The following TUT7 variants were observed in gnomAD, a reference collection of about 807,000 sequenced individuals.
The protein encoded by TUT7 is terminal uridylyl transferase 7.
In TUT7, 33 loss-of-function variants were observed where a neutral mutation model predicts 165.9. That is an observed-to-expected ratio of 0.20 (90% CI 0.15 to 0.27). TUT7 has a LOEUF of 0.27. TUT7 is among the 10% of genes least tolerant of loss of function. The pLI is 1.00. For synonymous variants in TUT7, 552 were observed against 608.1 expected, an observed-to-expected ratio of 0.91 and a Z score of 1.36; for missense variants, 1,338 against 1,762.3, an observed-to-expected ratio of 0.76 and a Z score of 4.31.
chr9:86,343,030 T>C (rs759800676), intron 6 of TUT7, 45 bp downstream of exon 6: 78 of 1,251,078 alleles, frequency 6.2e-5, no homozygotes, highest in Non-Finnish European at 8.2e-5. Context: ...TAAGAAAGAA[T>C]TTCCATACCA....
intron 3 of TUT7, 48 bp downstream of exon 3, chr9:86,346,251 G>A (rs1250622700): frequency 6.4e-7 from 1 of 1,566,802 alleles, no homozygotes; most frequent in Admixed American, 1.8e-5. Context: ...ACAAAATTGA[G>A]GCTAAAACCA....
chr9:86,343,887 T>C (rs1425591593), intron 5 of TUT7, among the ~76,000 whole-genome samples: 3 of 152,150 alleles, frequency 2.0e-5, no homozygotes, highest in Non-Finnish European at 4.4e-5. Flanking sequence ...TCATCAGGGG[T>C]TGGTTTTCTT....
chr9:86,290,098 A>G (rs1231831716), intron 26 of TUT7, among the ~76,000 whole-genome samples: 1 of 152,098 alleles, frequency 6.6e-6, no homozygotes, highest in Non-Finnish European at 1.5e-5. Flanking sequence ...TGCCCCCTTG[A>G]AGTTATTGTG....
At chr9:86,339,850 T>C (rs1433594504) in intron 8 of TUT7, among the ~76,000 whole-genome samples, 186 bp downstream of exon 8, 7 of 152,256 alleles carry the variant, frequency 4.6e-5, no homozygotes, top group African/African-American at 1.7e-4. Flanking sequence ...ATTTTATTAT[T>C]TTTAAAATGA....
At chr9:86,322,616 A>G (rs984387923) in intron 13 of TUT7, 141 bp from the exon 14 acceptor site, 56 of 1,103,732 alleles carry the variant, frequency 5.1e-5, no homozygotes, top group Non-Finnish European at 6.2e-5. Context: ...CACTCAAATG[A>G]TCTGAGAGAT....
At chr9:86,345,204 C>T (rs1831650190) in intron 4 of TUT7, 50 bp from the exon 5 acceptor site, 1 of 1,538,570 alleles carries the variant, frequency 6.5e-7, no homozygotes. Flanking sequence ...ATAGTTTTGA[C>T]CTTCTACCAC....
chr9:86,353,669 C>A (rs1162289354), intron 1 of TUT7, among the ~76,000 whole-genome samples: 1 of 152,062 alleles, frequency 6.6e-6, no homozygotes, highest in Non-Finnish European at 1.5e-5. Context: ...TGTTATACAC[C>A]GAAACTTTAC....
chr9:86,316,371 C>G (rs1828722151), intron 17 of TUT7, among the ~76,000 whole-genome samples: 1 of 152,066 alleles, frequency 6.6e-6, no homozygotes, highest in South Asian at 2.1e-4. Flanking sequence ...TTTGGGAGGC[C>G]AAGGCACTTG....
Position 86,345,361 on chromosome 9 carries a change from G to A in TUT7, c.820-207C>T, listed in dbSNP as rs538198446. Among the ~76,000 whole-genome samples the A allele has an allele frequency of 2.0e-5, 3 of 152,246 alleles. No individual in the cohort carries two copies. The East Asian group carries it at 5.8e-4, about 29-fold the overall frequency. On this transcript the variant is annotated intron_variant, in intron 4 of 26. Coordinates refer to ENST00000375963, the MANE Select transcript of TUT7 (RefSeq NM_024617.4). ...GGTAACAGAGGATAGGTGGGCATAAGGAGAAAGTGTAAGGAAAGAATATTA... is the reference window on the plus strand; with the variant it reads ...GGTAACAGAGGATAGGTGGGCATAAAGAGAAAGTGTAAGGAAAGAATATTA...
intron 15 of TUT7, 119 bp downstream of exon 15, chr9:86,319,465 G>A (rs767972455): frequency 3.5e-5 from 25 of 707,028 alleles, no homozygotes; most frequent in Non-Finnish European, 5.1e-5. Flanking sequence ...GGACCATCCT[G>A]GGTATATTGC....
intron 9 of TUT7, 83 bp downstream of exon 9, chr9:86,338,740 C>T: frequency 1.5e-6 from 2 of 1,364,628 alleles, no homozygotes; most frequent in Non-Finnish European, 1.9e-6. Context: ...CATTTAAACA[C>T]TGAAGATTAA....
intron 10 of TUT7, among the ~76,000 whole-genome samples, chr9:86,335,928 A>T (rs1350109971): frequency 6.6e-6 from 1 of 152,188 alleles, no homozygotes; most frequent in East Asian, 1.9e-4. Flanking sequence ...GTATCACTTT[A>T]GAGAGTTTCC....
chr9:86,340,269 T>C (rs891333476), intron 7 of TUT7, among the ~76,000 whole-genome samples, 164 bp from the exon 8 acceptor site: 2 of 152,202 alleles, frequency 1.3e-5, no homozygotes, highest in Non-Finnish European at 2.9e-5. Context: ...AAATATTACA[T>C]TCAAAAACCA....
chr9:86,343,127 C>A lies in TUT7; in HGVS notation c.1034G>T (p.Arg345Ile). The change falls in exon 6 of 27, where the codon AGA becomes ATA. Residue 345 changes from arginine (R) to isoleucine (I), a missense_variant. Around this residue, in one of 7 missense-constraint regions of TUT7, gnomAD observed 434 missense variants for 480.8 expected, o/e 0.90. Transcript: ENST00000375963. ...SLRLYGSSCS[R>I]LGFKNSDVNI... is the part of the protein sequence containing the mutation. ...TACATCCGAATTTTTGAAACCCAAT[C>A]TGCTACAGGATGACCCATATAATCT... The A allele has an allele frequency of 6.2e-7, 1 of 1,602,766 alleles. No individual in the cohort carries two copies. The highest frequency in any genetic ancestry group is 8.5e-7 in the Non-Finnish European group (1 of 1,174,776).
At chr9:86,353,253 A>G in intron 1 of TUT7, 23 bp from the exon 2 acceptor site, 1 of 1,497,292 alleles carries the variant, frequency 6.7e-7, no homozygotes. Flanking sequence ...ATTTTGGGGA[A>G]ATATCAAACT....
At chr9:86,336,743 A>AATACC (rs1313954408) in intron 10 of TUT7, 1 of 152,180 alleles carries the variant, frequency 6.6e-6, no homozygotes, top group Non-Finnish European at 1.5e-5. Flanking sequence ...ATACCAAGGG[A>AATACC]TTACAAACAA....
In TUT7 at chr9:86,301,456, T is replaced by A; in HGVS notation, c.4240A>T (p.Thr1414Ser). 6.2e-7 allele frequency: 1 copy of A among 1,614,214 alleles called. No homozygotes were observed. The highest frequency in any genetic ancestry group is 1.6e-4 in the Middle Eastern group (1 of 6,062). The change falls in exon 26 of 27, where the codon ACA becomes TCA. Residue 1414 changes from threonine to serine, a missense_variant. Coordinates refer to ENST00000375963, the MANE Select transcript of TUT7 (RefSeq NM_024617.4). Reference sequence around the variant, plus strand: ...CGCATTGGCTTGGCTTTCTGAGGTGTGCACTGTATGGGCTTATCTTCTTTT... The same window carrying A: ...CGCATTGGCTTGGCTTTCTGAGGTGAGCACTGTATGGGCTTATCTTCTTTT... ...STKEDKPIQC[T>S]PQKAKPMRAA...
chr9:86,337,518 A>G lies in TUT7; in HGVS notation c.1356T>C (p.Pro452=), dbSNP rs768605129. The G allele has an allele frequency of 6.2e-7, 1 of 1,613,046 alleles. No homozygotes were observed. Among genetic ancestry groups the G allele is most frequent in the East Asian group, 2.2e-5 (1 of 44,850 alleles). The change falls in exon 10 of 27, where the codon CCT becomes CCC. Residue 452 remains proline, a synonymous_variant. Transcript: ENST00000375963. ...YWAKLCSIDR[P]EEGGLPPYVF... ...CATAAGGTGGCAGACCTCCTTCTTC[A>G]GGGCGATCTATACTGCAAAGCTACA...
At chr9:86,310,115 C>T (rs2131352281) in intron 18 of TUT7, 98 bp from the exon 19 acceptor site, 1 of 1,005,102 alleles carries the variant, frequency 9.9e-7, no homozygotes, top group Non-Finnish European at 1.4e-6. Context: ...GATGGGATCT[C>T]ACTATGTTGC....
Sources: allele counts gnomAD v4.1 joint callset (sites outside exome capture counted in the v4.1 genomes callset), GRCh38; gene constraint gnomAD v4.1.1; regional missense constraint gnomAD v4.1.1; transcripts MANE v1.5; gene names NCBI Gene and HGNC (gene_info 2026-07-23, HGNC 2026-07-21).